Variants in STARD13 observed in about 807,000 individuals in gnomAD.
The protein encoded by STARD13 is StAR related lipid transfer domain containing 13, also known as stAR-related lipid transfer protein 13.
In STARD13, 62 loss-of-function variants were observed where a neutral mutation model predicts 106.4. The observed-to-expected ratio is 0.58, with a 90% CI of 0.48 to 0.72. STARD13 has a LOEUF of 0.72. Ranked by LOEUF, STARD13 falls within the 30% of genes least tolerant of loss-of-function variation. The pLI, the probability that STARD13 is intolerant of heterozygous loss-of-function variation, is 0.00. For synonymous variants in STARD13, 565 were observed against 553.0 expected (o/e 1.02, Z -0.31); for missense variants, 1,387 against 1,424.0 (o/e 0.97, Z 0.42).
chr13:33,150,139 C>T (rs1404535432), intron 3 of STARD13, among the ~76,000 whole-genome samples: 3 of 152,122 alleles, frequency 2.0e-5, no homozygotes, highest in Non-Finnish European at 4.4e-5. Context: ...ATGATAGGCT[C>T]GGTAGGCTTT....
chr13:33,633,004 C>T, the STARD13 span, among the ~76,000 whole-genome samples: 7 of 152,086 alleles, frequency 4.6e-5, no homozygotes, highest in Admixed American at 1.3e-4. Flanking sequence ...CTAGACCAGG[C>T]TGTTATTTTT....
At chr13:33,276,541 T>A (rs1891443373) in intron 1 of STARD13, 1 of 152,228 alleles carries the variant, frequency 6.6e-6, no homozygotes, top group African/African-American at 2.4e-5. Flanking sequence ...AATGTGATTT[T>A]ATGACTATAC....
At chr13:33,458,068 G>A in the STARD13 span, among the ~76,000 whole-genome samples, 1 of 152,078 alleles carries the variant, frequency 6.6e-6, no homozygotes, top group East Asian at 1.9e-4. Flanking sequence ...CATGGTTATA[G>A]TTTCTGTAAT....
intron 1 of STARD13, among the ~76,000 whole-genome samples, chr13:33,322,135 C>T (rs1273452635): frequency 1.3e-5 from 2 of 152,194 alleles, no homozygotes; most frequent in African/African-American, 4.8e-5. Flanking sequence ...AGTATTATAG[C>T]TCATTTCCAA....
At chr13:33,347,603 C>A (rs2078031340), downstream of STARD13, among the ~76,000 whole-genome samples, 1 of 152,120 alleles carries the variant, frequency 6.6e-6, no homozygotes, top group Admixed American at 6.5e-5. Context: ...CATTGTGTTA[C>A]AATTGCCTAC....
At chr13:33,302,438 C>T (rs1388540540) in intron 1 of STARD13, among the ~76,000 whole-genome samples, 1 of 152,060 alleles carries the variant, frequency 6.6e-6, no homozygotes, top group Non-Finnish European at 1.5e-5. Context: ...TTTTTTGAGA[C>T]AAGGTCTCAC....
chr13:33,325,983 T>TCAAC (rs60874548), intron 1 of STARD13, among the ~76,000 whole-genome samples: 10 of 96,190 alleles, frequency 1.0e-4, no homozygotes, highest in African/African-American at 3.9e-4. Flanking sequence ...AGACTCCGTT[T>TCAAC]AAAAAAAAAA....
At chr13:33,127,251 A>G in intron 6 of STARD13, 122 bp downstream of exon 6, 1 of 1,092,800 alleles carries the variant, frequency 9.2e-7, no homozygotes, top group Non-Finnish European at 1.2e-6. Context: ...TATGTCCAGG[A>G]GATCATCAGT....
chr13:33,116,327 C>A (rs551743853), intron 8 of STARD13, among the ~76,000 whole-genome samples: 2 of 152,224 alleles, frequency 1.3e-5, no homozygotes, highest in Admixed American at 1.3e-4. Context: ...ATCTCTCCCT[C>A]CTTGGACTTT....
At chr13:33,140,384 C>T (rs1879657744) in intron 4 of STARD13, among the ~76,000 whole-genome samples, 1 of 152,258 alleles carries the variant, frequency 6.6e-6, no homozygotes, top group South Asian at 2.1e-4. Context: ...ATCAAAACAA[C>T]ATCTGACCCT....
intron 12 of STARD13, 74 bp downstream of exon 12, chr13:33,109,799 G>A (rs1874263852): frequency 1.4e-6 from 2 of 1,423,010 alleles, no homozygotes; most frequent in African/African-American, 2.8e-5. Flanking sequence ...GGAGACACCA[G>A]GAGAAGTGCT....
the STARD13 span, among the ~76,000 whole-genome samples, chr13:33,576,615 A>C: frequency 6.6e-6 from 1 of 152,240 alleles, no homozygotes; most frequent in African/African-American, 2.4e-5. Flanking sequence ...AAAAACAAAA[A>C]ACCACATATC....
chr13:33,621,980 C>G, the STARD13 span, among the ~76,000 whole-genome samples: 3 of 151,280 alleles, frequency 2.0e-5, no homozygotes, highest in East Asian at 6.1e-4. Flanking sequence ...AATTTTTGTA[C>G]TTTTAGTAGA....
the STARD13 span, among the ~76,000 whole-genome samples, chr13:33,432,306 A>C: frequency 6.6e-6 from 1 of 152,170 alleles, no homozygotes; most frequent in African/African-American, 2.4e-5. Context: ...TTAGAATACA[A>C]ATGAACAGGA....
At chr13:33,617,469 C>T in the STARD13 span, among the ~76,000 whole-genome samples, 2 of 152,200 alleles carry the variant, frequency 1.3e-5, no homozygotes, top group Non-Finnish European at 2.9e-5. Context: ...TCACACTGTA[C>T]TACAATAAAT....
chr13:33,104,012 T>G lies in STARD13; in HGVS notation c.*1581A>C, dbSNP rs1425574939. ...CCAAACTCATAGAAAGCTTTTTTAT[T>G]CCTCTCAATAAAATAATTGCACATT... On this transcript the variant is annotated 3_prime_UTR_variant, in exon 14 of 14. Coordinates refer to ENST00000336934, the MANE Select transcript of STARD13 (RefSeq NM_178006.4). 6.6e-6 allele frequency: 1 copy of G among 152,230 alleles called. No homozygotes were observed. The highest frequency in any genetic ancestry group is 2.4e-5 in the African/African-American group (1 of 41,466). 9.4% of individuals were successfully genotyped at this position (152,230 alleles called of 1,614,324 possible).
the STARD13 span, among the ~76,000 whole-genome samples, chr13:33,394,837 GA>G: frequency 6.6e-6 from 1 of 152,202 alleles, no homozygotes; most frequent in African/African-American, 2.4e-5. Flanking sequence ...AGTGTTTGTA[GA>G]CAGATGCAAT....
At chr13:33,127,594 T>C in intron 5 of STARD13, 48 bp from the exon 6 acceptor site, 1 of 1,495,572 alleles carries the variant, frequency 6.7e-7, no homozygotes, top group East Asian at 2.6e-5. Context: ...GTGGACTTGG[T>C]AGCGGGAAAC....
chr13:33,129,029 C>G lies in STARD13; in HGVS notation c.1648G>C (p.Asp550His). The part of the protein sequence containing the change: ...SVSEGRTTPS[D>H]VERDVTSLNE... ...AGAGATGTTACATCTCTTTCCACATCACTGGGTGTCGTCCGACCTTCTGAG... is the reference window on the plus strand; with the variant it reads ...AGAGATGTTACATCTCTTTCCACATGACTGGGTGTCGTCCGACCTTCTGAG... The change falls in exon 5 of 14, where the codon GAT becomes CAT. Residue 550 changes from aspartate (D) to histidine (H), a missense_variant. Asp to His is a moderately conservative substitution (Grantham distance 81). Coordinates refer to ENST00000336934, the MANE Select transcript of STARD13 (RefSeq NM_178006.4). The G allele has an allele frequency of 6.2e-7, 1 of 1,614,132 alleles. No homozygotes were observed. Among genetic ancestry groups the G allele is most frequent in the Non-Finnish European group, 8.5e-7 (1 of 1,180,024 alleles).
Sources: allele counts gnomAD v4.1 joint callset (sites outside exome capture counted in the v4.1 genomes callset), GRCh38; gene constraint gnomAD v4.1.1; transcripts MANE v1.5; gene names NCBI Gene and HGNC (gene_info 2026-07-23, HGNC 2026-07-21).